CENPK: variants seen among roughly 807,000 people sequenced by gnomAD.
The protein encoded by CENPK is SoxLZ/Sox6-binding protein Solt.
A neutral mutation model predicts 40.9 loss-of-function variants in CENPK; 46 were observed. That is an observed-to-expected ratio of 1.13 (90% CI 0.89 to 1.44). The LOEUF (loss-of-function observed/expected upper bound fraction) is 1.44. CENPK is among the 40% of genes most tolerant of loss of function. CENPK has a pLI of 0.00. For synonymous variants in CENPK, 107 were observed against 104.4 expected, an observed-to-expected ratio of 1.02 and a Z score of -0.15; for missense variants, 288 against 303.5, an observed-to-expected ratio of 0.95 and a Z score of 0.38.
intron 9 of CENPK, 100 bp from the exon 10 acceptor site, chr5:65,521,628 T>G (rs1743770987): frequency 1.2e-6 from 1 of 845,066 alleles, no homozygotes; most frequent in Non-Finnish European, 1.9e-6. Context: ...GAGACAGAGT[T>G]TCATTCTTGG....
At position 65,551,572 on chromosome 5, in the gene CENPK, GT is replaced by G; in HGVS notation, c.232del (p.Thr78HisfsTer7). 3 of 1,530,370 alleles carry G rather than the reference GT, an allele frequency of 2.0e-6. No individual in the cohort carries two copies. Among genetic ancestry groups the G allele is most frequent in the Admixed American group, 2.0e-5 (1 of 51,242 alleles). The allele number at this position is 1,530,370 out of a possible 1,614,324, so 94.8% of individuals were successfully genotyped here. On this transcript the variant is annotated frameshift_variant, in exon 5 of 11. Transcript: ENST00000396679. LOFTEE classifies it high-confidence loss of function. ...TAELSQWQKKTPETIPLTEDV... is the reference protein window; with the variant it reads ...TAELSQWQKKXPETIPLTEDV... Reference sequence around the variant, plus strand: ...TAAAATAAGAATCTTACTTTCAGGTGTTTTTTTCTGCCATTGACTGAGTTCA... The same window carrying G: ...TAAAATAAGAATCTTACTTTCAGGTGTTTTTTCTGCCATTGACTGAGTTCA...
chr5:65,504,469 A>AC, the CENPK span, among the ~76,000 whole-genome samples: 2 of 151,608 alleles, frequency 1.3e-5, no homozygotes, highest in Admixed American at 1.3e-4. Flanking sequence ...AAAAAAAAAA[A>AC]AAAAAAAACC....
chr5:65,521,595 G>T, intron 9 of CENPK, 67 bp from the exon 10 acceptor site: 1 of 1,043,732 alleles, frequency 9.6e-7, no homozygotes, highest in Non-Finnish European at 1.5e-6. Flanking sequence ...ATATTGGACT[G>T]TTTTTATAAG....
In CENPK at chr5:65,542,789, T is replaced by C. The variant is rs1666861879; in HGVS notation, c.288+13A>G. ...ATTATTTGGGGTCACTACAAATTCA[T>C]TGAGTGGCTTACCTCTTCTTTTCCT... On this transcript the variant is annotated intron_variant, in intron 6 of 10. Transcript: ENST00000396679. 3 of 1,599,524 alleles carry C rather than the reference T, an allele frequency of 1.9e-6. No homozygotes were observed. The highest frequency in any genetic ancestry group is 1.3e-5 in the African/African-American group (1 of 74,376).
At chr5:65,552,810 A>G (rs1750321834) in intron 3 of CENPK, among the ~76,000 whole-genome samples, 1 of 152,032 alleles carries the variant, frequency 6.6e-6, no homozygotes, top group African/African-American at 2.4e-5. Flanking sequence ...AGAATGAATT[A>G]TAAGTCAGAT....
chr5:65,542,912 T>A, intron 5 of CENPK, 64 bp from the exon 6 acceptor site: 1 of 1,444,472 alleles, frequency 6.9e-7, no homozygotes, highest in Non-Finnish European at 9.5e-7. Context: ...ATCAAGAATT[T>A]AATTTTGCGG....
Position 65,532,184 on chromosome 5 carries a change from AC to A in CENPK, c.289-2986del, listed in dbSNP as rs539248591. Among the ~76,000 whole-genome samples the A allele has an allele frequency of 1.8e-3, 276 of 152,320 alleles. 2 individuals are homozygous for A. The highest frequency in any genetic ancestry group is 6.2e-3 in the African/African-American group (259 of 41,586). On this transcript the variant is annotated intron_variant, in intron 6 of 10. Transcript: ENST00000396679. ...ACATAAACTACCAAAGCTCATTTAG[AC>A]AAATAAGAAATATGACTGGCTCCAG... is the stretch of plus-strand genomic sequence containing the variant.
chr5:65,520,565 A>G (rs1743541576), intron 10 of CENPK, among the ~76,000 whole-genome samples: 2 of 152,204 alleles, frequency 1.3e-5, no homozygotes, highest in South Asian at 4.1e-4. Context: ...GTTTCAGCAT[A>G]AACTAGAGTA....
downstream of CENPK, among the ~76,000 whole-genome samples, chr5:65,515,128 C>T (rs376658601): frequency 2.0e-3 from 299 of 151,256 alleles, 2 homozygotes; most frequent in African/African-American, 7.0e-3. Context: ...GATTTTAGAT[C>T]TTTAACATTT....
intron 9 of CENPK, chr5:65,524,739 A>G (rs1393645320): frequency 1.3e-5 from 2 of 154,194 alleles, no homozygotes; most frequent in South Asian, 2.0e-4. Context: ...AAGGCTAAAT[A>G]TAAATGGCGT....
chr5:65,525,275 G>A (rs1373083762), intron 9 of CENPK, among the ~76,000 whole-genome samples: 1 of 151,880 alleles, frequency 6.6e-6, no homozygotes, highest in African/African-American at 2.4e-5. Context: ...TGAGGCAGGA[G>A]AATCACTTGA....
chr5:65,516,054 T>A (rs1742833294), downstream of CENPK, among the ~76,000 whole-genome samples: 1 of 152,210 alleles, frequency 6.6e-6, no homozygotes, highest in South Asian at 2.1e-4. Context: ...ACTAACCTTA[T>A]GTTAGTCAGG....
the CENPK span, among the ~76,000 whole-genome samples, chr5:65,502,168 A>C: frequency 6.6e-6 from 1 of 152,284 alleles, no homozygotes; most frequent in East Asian, 1.9e-4. Context: ...TAGCTGCAGT[A>C]GGGTGGTTAT....
At chr5:65,558,319 GAA>G (rs745498335) in intron 2 of CENPK, among the ~76,000 whole-genome samples, 2 of 152,232 alleles carry the variant, frequency 1.3e-5, no homozygotes, top group Non-Finnish European at 2.9e-5. Flanking sequence ...ATACAAGAGA[GAA>G]AGGGGAGAAG....
the CENPK span, among the ~76,000 whole-genome samples, chr5:65,510,637 A>C: frequency 6.6e-6 from 1 of 152,032 alleles, no homozygotes; most frequent in Non-Finnish European, 1.5e-5. Flanking sequence ...TTAGGCAGGC[A>C]TGGTGGTGCA....
At chr5:65,504,761 C>T in the CENPK span, among the ~76,000 whole-genome samples, 5 of 152,142 alleles carry the variant, frequency 3.3e-5, no homozygotes, top group African/African-American at 1.2e-4. Context: ...AATGTCTTTA[C>T]ATTCTTCTTT....
At chr5:65,524,589 G>A (rs1186724195) in intron 9 of CENPK, 3 of 153,318 alleles carry the variant, frequency 2.0e-5, no homozygotes, top group Non-Finnish European at 4.4e-5. Context: ...GCTGAGGCAG[G>A]AGAATCGCTT....
intron 5 of CENPK, among the ~76,000 whole-genome samples, chr5:65,548,308 T>A (rs570797338): frequency 1.3e-5 from 2 of 152,370 alleles, no homozygotes; most frequent in African/African-American, 4.8e-5. Context: ...ACATACCTTA[T>A]TTTAAAAAAA....
chr5:65,504,561 C>T, the CENPK span, among the ~76,000 whole-genome samples: 10 of 151,422 alleles, frequency 6.6e-5, no homozygotes. Flanking sequence ...AAGATATGCA[C>T]TTTTGTGCAT....
Sources: allele counts gnomAD v4.1 joint callset (sites outside exome capture counted in the v4.1 genomes callset), GRCh38; gene constraint gnomAD v4.1.1; transcripts MANE v1.5; gene names NCBI Gene and HGNC (gene_info 2026-07-23, HGNC 2026-07-21).